The following PTPRZ1 variants were observed in gnomAD, a reference collection of about 807,000 sequenced individuals.
PTPRZ1 encodes the protein protein tyrosine phosphatase receptor type Z1.
A neutral mutation model predicts 214.1 loss-of-function variants in PTPRZ1; 82 were observed. The observed-to-expected ratio is 0.38, with a 90% CI of 0.32 to 0.46. The LOEUF (loss-of-function observed/expected upper bound fraction) is 0.46, where lower values mean the gene tolerates loss of function less well. PTPRZ1 is among the 20% of genes least tolerant of loss of function. The pLI is 1.00. For synonymous variants in PTPRZ1, 945 were observed against 987.9 expected, an observed-to-expected ratio of 0.96 and a Z score of 0.81; for missense variants, 2,603 against 2,748.7, an observed-to-expected ratio of 0.95 and a Z score of 1.19.
intron 1 of PTPRZ1, among the ~76,000 whole-genome samples, chr7:121,877,087 A>G (rs1364580427): frequency 3.9e-5 from 6 of 152,202 alleles, no homozygotes; most frequent in Non-Finnish European, 1.5e-5. Flanking sequence ...ATTTTCAGTT[A>G]CCATCTGCTC....
At chr7:122,023,539 T>A (rs1281205000) in intron 13 of PTPRZ1, among the ~76,000 whole-genome samples, 18 of 134,570 alleles carry the variant, frequency 1.3e-4, no homozygotes, top group East Asian at 1.0e-3. Flanking sequence ...ATATATAATT[T>A]TATATATAAT....
chr7:121,985,129 T>C (rs1797727362), intron 8 of PTPRZ1, among the ~76,000 whole-genome samples: 1 of 152,170 alleles, frequency 6.6e-6, no homozygotes, highest in South Asian at 2.1e-4. Context: ...AAAAATAGAA[T>C]TCAAGACAAC....
rs1384165518 is a variant in PTPRZ1 at position 122,061,890 on chromosome 7, T to C, written c.*670T>C. Reference sequence around the variant, plus strand: ...ATTGTGTTACCTAAGTCATTAACTTTGTTTCAGCATGTAATTTTAACTTTT... The same window carrying C: ...ATTGTGTTACCTAAGTCATTAACTTCGTTTCAGCATGTAATTTTAACTTTT... On this transcript the variant is annotated 3_prime_UTR_variant, in exon 30 of 30. Transcript: ENST00000393386. The C allele has an allele frequency of 6.6e-6, 1 of 152,650 alleles. No individual in the cohort carries two copies. Among genetic ancestry groups the C allele is most frequent in the Non-Finnish European group, 1.5e-5 (1 of 68,040 alleles). 9.5% of individuals were successfully genotyped at this position (152,650 alleles called of 1,614,324 possible). A position where few individuals can be genotyped will look rare whatever the true frequency, so the allele number is the denominator to read the frequency against.
chr7:122,004,906 GA>G (rs1798438982), intron 11 of PTPRZ1, among the ~76,000 whole-genome samples: 3 of 151,508 alleles, frequency 2.0e-5, no homozygotes, highest in Admixed American at 1.3e-4. Flanking sequence ...TGGTGATGAA[GA>G]AAAAAACAAT....
At chr7:121,884,167 G>A (rs1794326797) in intron 1 of PTPRZ1, among the ~76,000 whole-genome samples, 1 of 151,966 alleles carries the variant, frequency 6.6e-6, no homozygotes, top group Non-Finnish European at 1.5e-5. Context: ...TGACTGAATC[G>A]ATTTTCAATA....
chr7:121,922,338 C>A (rs775797300), intron 1 of PTPRZ1, among the ~76,000 whole-genome samples: 4 of 152,180 alleles, frequency 2.6e-5, no homozygotes, highest in Non-Finnish European at 5.9e-5. Context: ...GGGCAGATCA[C>A]TTGAGGTCAG....
intron 11 of PTPRZ1, among the ~76,000 whole-genome samples, chr7:122,009,597 G>A (rs915746369): frequency 6.6e-6 from 1 of 151,602 alleles, no homozygotes; most frequent in East Asian, 1.9e-4. Context: ...TGAAGATTAT[G>A]CTTAAAGCAT....
chr7:121,997,594 G>A (rs1368901687), intron 9 of PTPRZ1, among the ~76,000 whole-genome samples: 1 of 148,516 alleles, frequency 6.7e-6, no homozygotes, highest in Non-Finnish European at 1.5e-5. Flanking sequence ...TTAGTTTGTA[G>A]TACTAATTTA....
rs772554389 is a variant in PTPRZ1 at position 121,967,907 on chromosome 7, T to C, written c.125-44T>C. On this transcript the variant is annotated intron_variant, in intron 2 of 29. Transcript: ENST00000393386. ...TATAATGTAAAGTTTAATTTTTGCA[T>C]GGTAATTTAAGAAACTAAATTTCTT... 4.4e-6 allele frequency: 6 copies of C among 1,377,280 alleles called. No homozygotes were observed. In the African/African-American group the frequency reaches 8.8e-5, roughly 20 times the overall value. The allele number at this position is 1,377,280 out of a possible 1,614,324, so 85.3% of individuals were successfully genotyped here.
chr7:121,921,135 AAT>A (rs1471538385), intron 1 of PTPRZ1, among the ~76,000 whole-genome samples: 6 of 151,402 alleles, frequency 4.0e-5, no homozygotes, highest in African/African-American at 1.4e-4. Flanking sequence ...CAAAATTATT[AAT>A]ATGTTTTAAC....
intron 13 of PTPRZ1, among the ~76,000 whole-genome samples, chr7:122,026,536 C>T (rs771008823): frequency 5.9e-5 from 9 of 152,094 alleles, no homozygotes; most frequent in Admixed American, 5.9e-4. Context: ...TCATGTGGGC[C>T]TTCTGTAGGA....
chr7:122,018,644 C>T (rs1040939037), intron 12 of PTPRZ1, among the ~76,000 whole-genome samples: 4 of 151,918 alleles, frequency 2.6e-5, no homozygotes, highest in African/African-American at 9.7e-5. Flanking sequence ...AGAGTTATCC[C>T]AAGATTTTTT....
At chr7:122,043,334 T>G (rs1035500807) in intron 22 of PTPRZ1, among the ~76,000 whole-genome samples, 1 of 152,148 alleles carries the variant, frequency 6.6e-6, no homozygotes, top group Non-Finnish European at 1.5e-5. Flanking sequence ...AAAGTCTAAG[T>G]AGAGTGGTCC....
At chr7:121,954,450 TCCTTA>T (rs1195627814) in intron 2 of PTPRZ1, among the ~76,000 whole-genome samples, 2 of 152,186 alleles carry the variant, frequency 1.3e-5, no homozygotes, top group African/African-American at 4.8e-5. Flanking sequence ...ATGAATTTCT[TCCTTA>T]CCTTCAGTTG....
Position 121,896,258 on chromosome 7 carries a change from C to T in PTPRZ1, c.58+22701C>T, listed in dbSNP as rs78218642. Among the ~76,000 whole-genome samples, 49 of 152,252 alleles carry T rather than the reference C, an allele frequency of 3.2e-4. No individual in the cohort carries two copies. In the East Asian group the frequency reaches 9.3e-3, roughly 29 times the overall value. On this transcript the variant is annotated intron_variant, in intron 1 of 29. Transcript: ENST00000393386. Reference sequence around the variant, plus strand: ...AGTATAGAATTGTTAATTATATGCACGTTGTACAGGATCTAACTAGAATGT... The same window carrying T: ...AGTATAGAATTGTTAATTATATGCATGTTGTACAGGATCTAACTAGAATGT...
chr7:121,980,592 A>C (rs1188815188), intron 6 of PTPRZ1, among the ~76,000 whole-genome samples: 1 of 152,242 alleles, frequency 6.6e-6, no homozygotes, highest in East Asian at 1.9e-4. Flanking sequence ...TCAGTTAAGA[A>C]AAGGTTTTTA....
At chr7:121,889,306 CA>C (rs1490553217) in intron 1 of PTPRZ1, among the ~76,000 whole-genome samples, 3 of 151,912 alleles carry the variant, frequency 2.0e-5, no homozygotes, top group African/African-American at 7.3e-5. Context: ...ATCTTCTGTG[CA>C]AAAGCAGAAA....
chr7:122,058,312 A>T (rs570380973), intron 27 of PTPRZ1, among the ~76,000 whole-genome samples: 1 of 152,128 alleles, frequency 6.6e-6, no homozygotes, highest in Non-Finnish European at 1.5e-5. Flanking sequence ...CTTAAGTAAG[A>T]ATCAGAATTG....
intron 1 of PTPRZ1, among the ~76,000 whole-genome samples, chr7:121,903,640 A>G (rs1035102829): frequency 1.3e-5 from 2 of 152,146 alleles, no homozygotes; most frequent in Admixed American, 1.3e-4. Context: ...CTATCCTGCA[A>G]TGGCATTCTT....
Sources: gnomAD v4.1 joint callset for allele counts (sites outside exome capture counted in the v4.1 genomes callset) on GRCh38, gnomAD v4.1.1 for gene constraint, MANE v1.5 for transcripts, NCBI Gene and HGNC (gene_info 2026-07-23, HGNC 2026-07-21) for gene names.